The following GLI3 variants were observed in gnomAD, a reference collection of about 807,000 sequenced individuals.
The protein encoded by GLI3 is transcription activator GLI3.
GLI3 carries 20 observed loss-of-function variants against 100.8 expected under a neutral mutation model. The ratio of observed to expected loss-of-function variants is 0.20; its 90% CI spans 0.14 to 0.29. The LOEUF is 0.29. Ranked by LOEUF, GLI3 falls within the 10% of genes least tolerant of loss-of-function variation. The pLI is 1.00. For missense variants in GLI3, 2,040 were observed against 2,128.5 expected, an observed-to-expected ratio of 0.96 and a Z score of 0.82; for synonymous variants, 938 against 860.5, an observed-to-expected ratio of 1.09 and a Z score of -1.58.
intron 4 of GLI3, among the ~76,000 whole-genome samples, chr7:42,070,507 T>C (rs7786060): frequency 6.6e-6 from 1 of 152,192 alleles, no homozygotes; most frequent in Non-Finnish European, 1.5e-5. Flanking sequence ...CTGGGTTAAC[T>C]CAAGGGCACT....
intron 7 of GLI3, among the ~76,000 whole-genome samples, chr7:42,026,875 G>T (rs1789132801): frequency 6.6e-6 from 1 of 152,154 alleles, no homozygotes; most frequent in Non-Finnish European, 1.5e-5. Flanking sequence ...AATGTGTTTT[G>T]AACACCATGC....
At chr7:42,230,800 A>G (rs1788682677) in intron 1 of GLI3, among the ~76,000 whole-genome samples, 1 of 152,220 alleles carries the variant, frequency 6.6e-6, no homozygotes, top group African/African-American at 2.4e-5. Context: ...GTGCCATTAA[A>G]AAATGAGCAA....
intron 3 of GLI3, among the ~76,000 whole-genome samples, chr7:42,107,488 C>T (rs1388680155): frequency 6.6e-6 from 1 of 152,228 alleles, no homozygotes; most frequent in Non-Finnish European, 1.5e-5. Flanking sequence ...CGCAGGACAA[C>T]AGTCACAGGG....
chr7:42,121,773 T>C (rs1283084096), intron 3 of GLI3, among the ~76,000 whole-genome samples: 1 of 152,154 alleles, frequency 6.6e-6, no homozygotes, highest in Non-Finnish European at 1.5e-5. Context: ...TAGGCACCCA[T>C]TGAATACCAG....
chr7:42,178,191 G>T (rs1787518338), intron 2 of GLI3, among the ~76,000 whole-genome samples: 1 of 152,176 alleles, frequency 6.6e-6, no homozygotes, highest in African/African-American at 2.4e-5. Context: ...GCTCTGCTTA[G>T]AACAGAAAGC....
chr7:42,019,183 A>C (rs1361626880), intron 10 of GLI3, among the ~76,000 whole-genome samples: 1 of 152,154 alleles, frequency 6.6e-6, no homozygotes, highest in Non-Finnish European at 1.5e-5. Context: ...TGATGTTTTC[A>C]AGCATAACCA....
rs895387397 is a variant in GLI3, at chr7:42,259,884, T to G, written c.-43+4110A>C. Among the ~76,000 whole-genome samples, 9 of 152,318 alleles carry G rather than the reference T, an allele frequency of 5.9e-5. No homozygotes were observed. The South Asian group carries it at 1.9e-3, about 32-fold the overall frequency. The stretch of plus-strand genomic sequence containing the variant: ...TTTTAAAAATAAACCTGTGGGCATC[T>G]ATCTTCTACTCATTGCATTGTTGTG... On this transcript the variant is annotated intron_variant, in intron 1 of 2. Coordinates refer to the GLI3 transcript ENST00000678978.
chr7:41,984,414 A>G (rs1787756766), intron 10 of GLI3, among the ~76,000 whole-genome samples: 1 of 151,952 alleles, frequency 6.6e-6, no homozygotes, highest in Admixed American at 6.6e-5. Context: ...TCTCCTCTCC[A>G]CCAATTCCCA....
intron 1 of GLI3, among the ~76,000 whole-genome samples, chr7:42,254,007 G>T (rs1489982301): frequency 6.6e-6 from 1 of 152,118 alleles, no homozygotes; most frequent in East Asian, 1.9e-4. Context: ...ATCACATGAG[G>T]TCGGGAGTTC....
At chr7:42,132,186 C>T (rs35198348) in intron 3 of GLI3, among the ~76,000 whole-genome samples, 1 of 151,830 alleles carries the variant, frequency 6.6e-6, no homozygotes, top group Admixed American at 6.6e-5. Context: ...CTGCAAGCTC[C>T]GCCTCCTGGG....
chr7:42,068,270 A>G (rs1463652254), intron 4 of GLI3, among the ~76,000 whole-genome samples: 1 of 152,268 alleles, frequency 6.6e-6, no homozygotes, highest in Non-Finnish European at 1.5e-5. Flanking sequence ...CAGGCCAGTA[A>G]GCCGTTTAAC....
intron 4 of GLI3, among the ~76,000 whole-genome samples, chr7:42,058,227 T>G (rs1317728055): frequency 6.6e-6 from 1 of 152,142 alleles, no homozygotes; most frequent in African/African-American, 2.4e-5. Flanking sequence ...GTTAGGATAG[T>G]CAGGATAATG....
At chr7:42,093,379 CAAA>C (rs545971639) in intron 3 of GLI3, among the ~76,000 whole-genome samples, 10 of 102,788 alleles carry the variant, frequency 9.7e-5, no homozygotes, top group Admixed American at 1.9e-4. Context: ...AACAATGTCT[CAAA>C]AAAAAAAAAA....
intron 7 of GLI3, among the ~76,000 whole-genome samples, chr7:42,031,004 C>T (rs1188265336): frequency 1.1e-5 from 1 of 87,886 alleles, no homozygotes; most frequent in African/African-American, 1.0e-4. Flanking sequence ...CAGGCATGAG[C>T]CACCACACCC....
At chr7:42,098,226 C>T (rs1289838175) in intron 3 of GLI3, among the ~76,000 whole-genome samples, 4 of 151,998 alleles carry the variant, frequency 2.6e-5, no homozygotes, top group African/African-American at 2.4e-5. Context: ...CCTCATCACA[C>T]GCTGAACAAA....
At chr7:42,234,546 T>C (rs943702147) in intron 1 of GLI3, among the ~76,000 whole-genome samples, 5 of 152,250 alleles carry the variant, frequency 3.3e-5, no homozygotes, top group African/African-American at 7.2e-5. Flanking sequence ...TTTCTGTCTA[T>C]GGTCCTTTGC....
intron 4 of GLI3, among the ~76,000 whole-genome samples, chr7:42,055,110 T>C (rs947421493): frequency 7.2e-6 from 1 of 138,020 alleles, no homozygotes; most frequent in African/African-American, 2.9e-5. Flanking sequence ...TATATGTATA[T>C]ATACACATAT....
At chr7:42,212,256 G>A (rs1235775730) in intron 2 of GLI3, among the ~76,000 whole-genome samples, 3 of 152,134 alleles carry the variant, frequency 2.0e-5, no homozygotes, top group East Asian at 3.8e-4. Context: ...AAAATATTAG[G>A]TAGTTCCACA....
At chr7:42,149,737 T>C (rs1786811366) in intron 2 of GLI3, among the ~76,000 whole-genome samples, 1 of 152,224 alleles carries the variant, frequency 6.6e-6, no homozygotes, top group Non-Finnish European at 1.5e-5. Flanking sequence ...CTTGAGCACA[T>C]CTTATTCTCA....
Sources: allele counts gnomAD v4.1 joint callset (sites outside exome capture counted in the v4.1 genomes callset), GRCh38; gene constraint gnomAD v4.1.1; transcripts MANE v1.5; gene names NCBI Gene and HGNC (gene_info 2026-07-23, HGNC 2026-07-21).